Variants in ATP9B observed in about 807,000 individuals in gnomAD.
ATP9B encodes probable phospholipid-transporting ATPase IIB.
In ATP9B, 110 loss-of-function variants were observed where a neutral mutation model predicts 146.1. That is an observed-to-expected ratio of 0.75 (90% CI 0.65 to 0.88). ATP9B has a LOEUF of 0.88. Among genes scored for constraint, ATP9B ranks in the 40% least tolerant of loss-of-function variants. The pLI is 0.00. For synonymous variants in ATP9B, 604 were observed against 569.7 expected, an observed-to-expected ratio of 1.06 and a Z score of -0.86; for missense variants, 1,499 against 1,496.4, an observed-to-expected ratio of 1.00 and a Z score of -0.03.
At chr18:79,342,391 G>C in intron 20 of ATP9B, 25 bp downstream of exon 20, 1 of 1,515,436 alleles carries the variant, frequency 6.6e-7, no homozygotes, top group African/African-American at 1.4e-5. Context: ...TAATCACTTT[G>C]AATTTTTAAA....
At position 79,125,488 on chromosome 18, in the gene ATP9B, A is replaced by G. The variant is rs146818222; in HGVS notation, c.559-779A>G. ...TACAGAAAACAAAAAACTGAAATAA[A>G]AAAGATTATTGTGCTTTCAGTGGAC... is the stretch of plus-strand genomic sequence containing the variant. On this transcript the variant is annotated intron_variant, in intron 4 of 29. Transcript: ENST00000426216. Among the ~76,000 whole-genome samples, 566 of 152,348 alleles carry G rather than the reference A, an allele frequency of 3.7e-3. 1 individual carries two copies. The highest frequency in any genetic ancestry group is 0.02 in the Middle Eastern group (6 of 294).
At chr18:79,355,116 G>T (rs1198204385) in intron 25 of ATP9B, among the ~76,000 whole-genome samples, 3 of 152,258 alleles carry the variant, frequency 2.0e-5, no homozygotes, top group African/African-American at 7.2e-5. Context: ...CGCATGGGGA[G>T]CCTTAACCCC....
At chr18:79,176,323 A>G (rs1048927886) in intron 7 of ATP9B, among the ~76,000 whole-genome samples, 24 of 152,346 alleles carry the variant, frequency 1.6e-4, no homozygotes, top group African/African-American at 5.5e-4. Flanking sequence ...TTGAAACTGG[A>G]TAGGCCTGAG....
intron 13 of ATP9B, among the ~76,000 whole-genome samples, chr18:79,278,542 G>A (rs184038847): frequency 2.3e-4 from 35 of 152,284 alleles, no homozygotes; most frequent in Middle Eastern, 3.4e-3. Flanking sequence ...ATAAGTTGAG[G>A]AGTCTCTGTT....
In ATP9B at chr18:79,300,919, A is replaced by C. The variant is rs543005863; in HGVS notation, c.1412-2685A>C. Among the ~76,000 whole-genome samples, 25 of 152,358 alleles carry C rather than the reference A, an allele frequency of 1.6e-4. No individual in the cohort carries two copies. In the South Asian group the frequency reaches 4.8e-3, roughly 29 times the overall value. ...TCATAGTCCTGTTTACAAACTGCATAGGATTTATGCCTCATTACGATTCCC... is the reference window on the plus strand; with the variant it reads ...TCATAGTCCTGTTTACAAACTGCATCGGATTTATGCCTCATTACGATTCCC... On this transcript the variant is annotated intron_variant, in intron 13 of 29. Transcript: ENST00000426216.
intron 6 of ATP9B, among the ~76,000 whole-genome samples, 196 bp from the exon 7 acceptor site, chr18:79,154,308 G>GA (rs1283478678): frequency 3.3e-5 from 5 of 151,680 alleles, no homozygotes; most frequent in East Asian, 1.9e-4. Context: ...CACTTATGGG[G>GA]AAAAAAATCT....
chr18:79,207,538 A>T (rs776043171), intron 10 of ATP9B, among the ~76,000 whole-genome samples: 16 of 152,204 alleles, frequency 1.1e-4, no homozygotes, highest in Middle Eastern at 3.2e-3. Flanking sequence ...AAGGAAGCTG[A>T]TGAGAAATTA....
At chr18:79,110,581 T>C (rs756860026) in intron 3 of ATP9B, 76 bp downstream of exon 3, 2 of 1,410,696 alleles carry the variant, frequency 1.4e-6, no homozygotes, top group Non-Finnish European at 1.9e-6. Context: ...ATGGAGCCTG[T>C]TGAGACTCTG....
At chr18:79,194,469 G>A (rs150558395) in intron 9 of ATP9B, 2 of 152,362 alleles carry the variant, frequency 1.3e-5, no homozygotes, top group East Asian at 3.9e-4. Context: ...TGGTTCAAAC[G>A]GGAGCGTATG....
At chr18:79,352,471 C>T (rs1047684145) in intron 25 of ATP9B, 1 of 152,186 alleles carries the variant, frequency 6.6e-6, no homozygotes, top group Non-Finnish European at 1.5e-5. Flanking sequence ...ATGCAAAACA[C>T]AAGAAAACAC....
intron 9 of ATP9B, among the ~76,000 whole-genome samples, chr18:79,199,260 T>A (rs2095443502): frequency 6.6e-6 from 1 of 152,118 alleles, no homozygotes; most frequent in African/African-American, 2.4e-5. Flanking sequence ...TTTACATACC[T>A]ATAACTTTAC....
chr18:79,190,361 C>T (rs1028928887), intron 8 of ATP9B, among the ~76,000 whole-genome samples: 12 of 152,176 alleles, frequency 7.9e-5, no homozygotes, highest in Middle Eastern at 3.4e-3. Context: ...ATCAACAAAT[C>T]TCCAAAAGTT....
intron 2 of ATP9B, among the ~76,000 whole-genome samples, chr18:79,101,096 TTGGCACAG>T (rs2075246026): frequency 6.6e-6 from 1 of 151,896 alleles, no homozygotes; most frequent in African/African-American, 2.4e-5. Context: ...GACACTTACC[TTGGCACAG>T]TGTGTGTGTG....
At chr18:79,293,545 A>C (rs1003513544) in intron 13 of ATP9B, among the ~76,000 whole-genome samples, 1 of 152,210 alleles carries the variant, frequency 6.6e-6, no homozygotes, top group African/African-American at 2.4e-5. Context: ...GCAGTGCCTC[A>C]GGACTCTGCA....
chr18:79,338,700 C>T (rs1365376534), intron 19 of ATP9B, among the ~76,000 whole-genome samples: 2 of 152,306 alleles, frequency 1.3e-5, no homozygotes, highest in East Asian at 3.9e-4. Context: ...GGGAAATTGG[C>T]ACTTATGGTG....
chr18:79,190,280 G>A (rs1459788575), intron 8 of ATP9B, among the ~76,000 whole-genome samples: 2 of 151,930 alleles, frequency 1.3e-5, no homozygotes, highest in Non-Finnish European at 2.9e-5. Context: ...ATGTTCTCAT[G>A]TTATACCTAA....
chr18:79,176,303 C>G (rs544739756), intron 7 of ATP9B, among the ~76,000 whole-genome samples: 3 of 152,294 alleles, frequency 2.0e-5, no homozygotes, highest in South Asian at 4.1e-4. Flanking sequence ...AATAGAATAT[C>G]TTAGCATGTT....
chr18:79,371,394 A>C (rs1051589424), intron 26 of ATP9B, among the ~76,000 whole-genome samples: 4 of 148,182 alleles, frequency 2.7e-5, no homozygotes, highest in East Asian at 1.9e-4. Flanking sequence ...AAAAAAAAAA[A>C]AAAAAAACAG....
At chr18:79,284,238 T>G (rs1198283479) in intron 13 of ATP9B, among the ~76,000 whole-genome samples, 2 of 152,360 alleles carry the variant, frequency 1.3e-5, no homozygotes, top group Middle Eastern at 3.4e-3. Flanking sequence ...AAGTCTCTTA[T>G]GCATGATGCT....
Sources: allele counts gnomAD v4.1 joint callset (sites outside exome capture counted in the v4.1 genomes callset), GRCh38; gene constraint gnomAD v4.1.1; transcripts MANE v1.5; gene names NCBI Gene and HGNC (gene_info 2026-07-23, HGNC 2026-07-21).